Variants in KHDRBS2 observed in about 807,000 individuals in gnomAD.
KHDRBS2 encodes the protein KH domain-containing, RNA-binding, signal transduction-associated protein 2.
A neutral mutation model predicts 44.3 loss-of-function variants in KHDRBS2; 26 were observed. The ratio of observed to expected loss-of-function variants is 0.59; its 90% CI spans 0.43 to 0.81. The LOEUF (loss-of-function observed/expected upper bound fraction) is 0.81, where lower values mean the gene tolerates loss of function less well. Ranked by LOEUF, KHDRBS2 falls within the 40% of genes least tolerant of loss-of-function variation. KHDRBS2 has a pLI of 0.00. For synonymous variants in KHDRBS2, 194 were observed against 151.1 expected (o/e 1.28, Z -2.08); for missense variants, 476 against 433.1 (o/e 1.10, Z -0.88).
rs866312859 is a variant in KHDRBS2 at position 61,945,117 on chromosome 6, A to G, written c.483+32949T>C. The stretch of plus-strand genomic sequence containing the variant: ...AAAAAAAAAAAAAAAAAAAAAGTAT[A>G]TATATATATATATATATATATATAT... On this transcript the variant is annotated intron_variant, in intron 4 of 8. Transcript: ENST00000281156. Among the ~76,000 whole-genome samples the G allele has an allele frequency of 4.2e-4, 22 of 52,956 alleles. 1 individual carries two copies. Among genetic ancestry groups the G allele is most frequent in the East Asian group, 2.2e-3 (3 of 1,374 alleles). The allele number at this position is 52,956 out of a possible 152,430, so 34.7% of individuals were successfully genotyped here.
At chr6:62,241,730 A>AG (rs1834707200) in intron 1 of KHDRBS2, among the ~76,000 whole-genome samples, 1 of 148,362 alleles carries the variant, frequency 6.7e-6, no homozygotes, top group Non-Finnish European at 1.5e-5. Context: ...AGCAGTTGGC[A>AG]TGATGCCTGG....
At chr6:61,804,264 C>T (rs1413512438) in intron 6 of KHDRBS2, among the ~76,000 whole-genome samples, 1 of 152,168 alleles carries the variant, frequency 6.6e-6, no homozygotes, top group Non-Finnish European at 1.5e-5. Context: ...CCAAAATAAT[C>T]TCTTTTGACT....
At chr6:62,089,288 A>C (rs1162974136) in intron 2 of KHDRBS2, among the ~76,000 whole-genome samples, 1 of 139,270 alleles carries the variant, frequency 7.2e-6, no homozygotes, top group Non-Finnish European at 1.5e-5. Context: ...AAAAAAAAAG[A>C]CTCCTGCAGC....
chr6:61,612,217 T>C, the KHDRBS2 span, among the ~76,000 whole-genome samples: 3 of 152,186 alleles, frequency 2.0e-5, no homozygotes, highest in African/African-American at 4.8e-5. Flanking sequence ...TTCTCCTTTA[T>C]GAGGCTAATG....
intron 2 of KHDRBS2, among the ~76,000 whole-genome samples, chr6:62,154,354 G>C (rs1178716681): frequency 6.6e-6 from 1 of 152,012 alleles, no homozygotes; most frequent in East Asian, 1.9e-4. Flanking sequence ...GTCTGGATTT[G>C]AGTAGAAGAA....
the KHDRBS2 span, among the ~76,000 whole-genome samples, chr6:61,608,360 G>A: frequency 1.3e-5 from 2 of 151,620 alleles, no homozygotes; most frequent in African/African-American, 4.9e-5. Flanking sequence ...GTGTACACCT[G>A]TAAAGGGAGA....
At chr6:61,619,602 G>A in the KHDRBS2 span, among the ~76,000 whole-genome samples, 2 of 152,116 alleles carry the variant, frequency 1.3e-5, no homozygotes, top group African/African-American at 4.8e-5. Context: ...TTATAGGCAT[G>A]TGCCACCACG....
intron 1 of KHDRBS2, among the ~76,000 whole-genome samples, chr6:62,182,706 A>C (rs1822583223): frequency 6.6e-6 from 1 of 151,890 alleles, no homozygotes; most frequent in Non-Finnish European, 1.5e-5. Context: ...ATTATAGAAA[A>C]TAGGAGATGC....
chr6:61,567,109 T>C, the KHDRBS2 span, among the ~76,000 whole-genome samples: 1 of 152,180 alleles, frequency 6.6e-6, no homozygotes, highest in Non-Finnish European at 1.5e-5. Context: ...TACTCTACCA[T>C]ACAGACTGAG....
intron 6 of KHDRBS2, among the ~76,000 whole-genome samples, chr6:61,843,513 T>A (rs1336549910): frequency 6.6e-6 from 1 of 151,568 alleles, no homozygotes; most frequent in South Asian, 2.1e-4. Flanking sequence ...TACAGCCATG[T>A]ACCCCCACAC....
the KHDRBS2 span, among the ~76,000 whole-genome samples, chr6:61,608,765 A>G: frequency 1.5e-3 from 222 of 152,300 alleles, no homozygotes; most frequent in Non-Finnish European, 2.3e-3. Flanking sequence ...AAAGGACATG[A>G]ACTCATCCTT....
At chr6:62,021,859 G>T (rs1782379506) in intron 3 of KHDRBS2, among the ~76,000 whole-genome samples, 1 of 150,990 alleles carries the variant, frequency 6.6e-6, no homozygotes, top group African/African-American at 2.4e-5. Context: ...AAGAAAATTT[G>T]ATGTCTTTTT....
At chr6:62,028,392 A>C (rs1346098164) in intron 3 of KHDRBS2, among the ~76,000 whole-genome samples, 2 of 152,136 alleles carry the variant, frequency 1.3e-5, no homozygotes, top group Non-Finnish European at 2.9e-5. Context: ...TGATGAAAAT[A>C]CTTGAGAACT....
intron 7 of KHDRBS2, among the ~76,000 whole-genome samples, chr6:61,709,703 CT>C (rs1770174346): frequency 1.3e-5 from 2 of 151,506 alleles, no homozygotes; most frequent in Admixed American, 6.6e-5. Context: ...CAAAAATTTT[CT>C]ATAAATAATG....
At chr6:62,189,489 T>C (rs531491503) in intron 1 of KHDRBS2, among the ~76,000 whole-genome samples, 2 of 152,252 alleles carry the variant, frequency 1.3e-5, no homozygotes, top group African/African-American at 4.8e-5. Context: ...TTTGAGGTAA[T>C]TTATTATGCA....
At chr6:61,922,795 T>C (rs1282730301) in intron 4 of KHDRBS2, among the ~76,000 whole-genome samples, 1 of 152,110 alleles carries the variant, frequency 6.6e-6, no homozygotes, top group East Asian at 1.9e-4. Context: ...AGTCCAACAA[T>C]TTACAAGTAA....
At chr6:61,700,787 A>G (rs1461176802) in intron 7 of KHDRBS2, among the ~76,000 whole-genome samples, 1 of 151,680 alleles carries the variant, frequency 6.6e-6, no homozygotes, top group Non-Finnish European at 1.5e-5. Context: ...TCTGCAATGC[A>G]AACAAAGACA....
intron 6 of KHDRBS2, among the ~76,000 whole-genome samples, chr6:61,734,652 C>T (rs1775041439): frequency 6.6e-6 from 1 of 152,060 alleles, no homozygotes; most frequent in Admixed American, 6.6e-5. Context: ...ATTGTATCCT[C>T]TTATGACATA....
At chr6:61,931,963 T>C (rs956039521) in intron 4 of KHDRBS2, among the ~76,000 whole-genome samples, 1 of 152,176 alleles carries the variant, frequency 6.6e-6, no homozygotes, top group African/African-American at 2.4e-5. Context: ...TATTTTCTCT[T>C]TCCTCTGATT....
Sources: allele counts gnomAD v4.1 joint callset (sites outside exome capture counted in the v4.1 genomes callset), GRCh38; gene constraint gnomAD v4.1.1; transcripts MANE v1.5; gene names NCBI Gene and HGNC (gene_info 2026-07-23, HGNC 2026-07-21).